Variants in AK9 observed in about 807,000 individuals in gnomAD.
AK9 encodes adenylate kinase 9.
In AK9, 191 loss-of-function variants were observed where a neutral mutation model predicts 239.6. That is an observed-to-expected ratio of 0.80 (90% CI 0.71 to 0.90). AK9 has a LOEUF of 0.90. Ranked by LOEUF, AK9 falls within the 40% of genes least tolerant of loss-of-function variation. The probability of loss-of-function intolerance (pLI) is 0.00; values close to 1 mark genes in which losing one functional copy is unlikely to be tolerated. For missense variants in AK9, 1,995 were observed against 2,214.7 expected (o/e 0.90, Z 1.99); for synonymous variants, 689 against 721.0 (o/e 0.96, Z 0.71).
intron 1 of AK9, among the ~76,000 whole-genome samples, chr6:109,689,137 T>A (rs1278678143): frequency 2.0e-5 from 3 of 152,174 alleles, no homozygotes; most frequent in Non-Finnish European, 4.4e-5. Flanking sequence ...GATGATCAAT[T>A]AGAGACCTCA....
intron 10 of AK9, 109 bp from the exon 11 acceptor site, chr6:109,633,432 A>G (rs1002452828): frequency 2.1e-5 from 26 of 1,253,970 alleles, no homozygotes; most frequent in Non-Finnish European, 2.7e-5. Context: ...TTAAGAAATA[A>G]TTTAAAAAGG....
intron 5 of AK9, among the ~76,000 whole-genome samples, chr6:109,666,767 C>T (rs181939772): frequency 2.3e-4 from 35 of 152,318 alleles, no homozygotes; most frequent in African/African-American, 6.5e-4. Flanking sequence ...GTTCAGCCAT[C>T]CCTGCTACCC....
chr6:109,573,447 T>G lies in AK9; in HGVS notation c.2339A>C (p.Glu780Ala). 6.5e-7 allele frequency: 1 copy of G among 1,546,760 alleles called. No homozygotes were observed. Among genetic ancestry groups the G allele is most frequent in the Non-Finnish European group, 8.7e-7 (1 of 1,145,466 alleles). Residue 780 changes from glutamate to alanine, a missense_variant, in exon 21 of 41, where the codon GAA becomes GCA. Coordinates refer to ENST00000424296, the MANE Select transcript of AK9 (RefSeq NM_001145128.3). ...EASEVPETEP[E>A]AVSEPIEETT... ...TGCTATCAATAAAGTCTAACCTGCT[T>G]CAGGCTCAGTTTCAGGGACCTCAGA...
intron 35 of AK9, among the ~76,000 whole-genome samples, chr6:109,505,383 T>G (rs1305543535): frequency 6.6e-6 from 1 of 152,234 alleles, no homozygotes; most frequent in Non-Finnish European, 1.5e-5. Context: ...AGATATCAGA[T>G]GTAGATAACT....
chr6:109,506,068 T>C (rs1778087722), intron 35 of AK9, among the ~76,000 whole-genome samples: 1 of 152,122 alleles, frequency 6.6e-6, no homozygotes, highest in Non-Finnish European at 1.5e-5. Flanking sequence ...TGTAACTACT[T>C]CCTAAAGGCC....
At chr6:109,493,639 T>C in intron 40 of AK9, 68 bp from the exon 41 acceptor site, 1 of 1,351,564 alleles carries the variant, frequency 7.4e-7, no homozygotes, top group Non-Finnish European at 1.0e-6. Context: ...GAAAGAGACC[T>C]GGATGTGTGG....
chr6:109,608,747 C>T lies in AK9; in HGVS notation c.1842+1618G>A, dbSNP rs537531074. ...AAATTTGATTTCATTAAAATTAACTCCTATTATTCAAGACAAGATATTTGT... is the reference window on the plus strand; with the variant it reads ...AAATTTGATTTCATTAAAATTAACTTCTATTATTCAAGACAAGATATTTGT... On this transcript the variant is annotated intron_variant, in intron 17 of 40. Coordinates refer to ENST00000424296, the MANE Select transcript of AK9 (RefSeq NM_001145128.3). Among the ~76,000 whole-genome samples the T allele has an allele frequency of 4.3e-4, 66 of 152,096 alleles. No individual in the cohort carries two copies. The East Asian group carries it at 0.012, about 28-fold the overall frequency.
chr6:109,661,617 T>C (rs1800422343), intron 6 of AK9, among the ~76,000 whole-genome samples: 1 of 152,204 alleles, frequency 6.6e-6, no homozygotes, highest in Non-Finnish European at 1.5e-5. Context: ...ACAATTGTGA[T>C]TGACCCCTGG....
intron 2 of AK9, among the ~76,000 whole-genome samples, chr6:109,674,828 T>A (rs1204587239): frequency 6.6e-6 from 1 of 152,206 alleles, no homozygotes; most frequent in Non-Finnish European, 1.5e-5. Context: ...TGAAACCATT[T>A]ATTGGTACCT....
intron 27 of AK9, among the ~76,000 whole-genome samples, chr6:109,536,048 C>T: frequency 6.6e-6 from 1 of 152,266 alleles, no homozygotes; most frequent in East Asian, 1.9e-4. Flanking sequence ...GTGATGCCTC[C>T]AGCTTTGTTC....
chr6:109,549,657 A>ATTTTTTTTTTTTTTTTTTTTTTTT (rs1491473032), intron 25 of AK9: 1 of 122,352 alleles, frequency 8.2e-6, no homozygotes, highest in African/African-American at 2.7e-5. Flanking sequence ...TTGAACTTAG[A>ATTTTTTTTTTTTTTTTTTTTTTTT]TATTTTCTTT....
chr6:109,637,392 G>A (rs1055141796), intron 10 of AK9, among the ~76,000 whole-genome samples: 7 of 151,744 alleles, frequency 4.6e-5, no homozygotes, highest in Admixed American at 1.3e-4. Context: ...TTGTAGAGAT[G>A]GGGTTTTACC....
At chr6:109,495,982 T>TAA (rs77612648) in intron 38 of AK9, among the ~76,000 whole-genome samples, 5 of 141,896 alleles carry the variant, frequency 3.5e-5, no homozygotes, top group Non-Finnish European at 7.7e-5. Flanking sequence ...ATTCCCCATT[T>TAA]AAAAAAAAAA....
chr6:109,649,278 A>C (rs1339831804), intron 8 of AK9, among the ~76,000 whole-genome samples: 1 of 151,918 alleles, frequency 6.6e-6, no homozygotes, highest in Non-Finnish European at 1.5e-5. Context: ...AGGGTATTCA[A>C]TTAGGAAAAG....
At chr6:109,632,823 C>A in intron 12 of AK9, 100 bp downstream of exon 12, 1 of 1,377,464 alleles carries the variant, frequency 7.3e-7, no homozygotes, top group Non-Finnish European at 9.4e-7. Flanking sequence ...AAATAAAATC[C>A]TACAAATTAT....
chr6:109,668,179 G>T (rs541004443), intron 5 of AK9, among the ~76,000 whole-genome samples: 185 of 152,168 alleles, frequency 1.2e-3, no homozygotes, highest in African/African-American at 4.3e-3. Context: ...TCATGTGTCT[G>T]TTGGCTGCAG....
intron 10 of AK9, among the ~76,000 whole-genome samples, chr6:109,637,085 C>T (rs896959120): frequency 1.3e-4 from 20 of 152,204 alleles, no homozygotes; most frequent in African/African-American, 4.3e-4. Context: ...TGAATAATAG[C>T]ACCCCAATGG....
chr6:109,551,913 C>A (rs1784415232), intron 24 of AK9, among the ~76,000 whole-genome samples: 1 of 151,948 alleles, frequency 6.6e-6, no homozygotes, highest in Non-Finnish European at 1.5e-5. Flanking sequence ...TGTGTTATTC[C>A]CCTCTTGGTG....
intron 6 of AK9, chr6:109,661,042 T>C: frequency 9.5e-6 from 4 of 420,310 alleles, no homozygotes; most frequent in South Asian, 7.8e-5. Flanking sequence ...TCATGAATGC[T>C]TAGGGATTTA....
Sources: gnomAD v4.1 joint callset for allele counts (sites outside exome capture counted in the v4.1 genomes callset) on GRCh38, gnomAD v4.1.1 for gene constraint, MANE v1.5 for transcripts, NCBI Gene and HGNC (gene_info 2026-07-23, HGNC 2026-07-21) for gene names.